The following ROBO1 variants were observed in gnomAD, a reference collection of about 807,000 sequenced individuals.
ROBO1 encodes the protein roundabout homolog 1.
A neutral mutation model predicts 195.9 loss-of-function variants in ROBO1; 149 were observed. The ratio of observed to expected loss-of-function variants is 0.76; its 90% CI spans 0.67 to 0.87. The LOEUF is 0.87. ROBO1 is among the 40% of genes least tolerant of loss of function. ROBO1 has a pLI of 0.00. For synonymous variants in ROBO1, 816 were observed against 733.2 expected (o/e 1.11, Z -1.82); for missense variants, 1,933 against 2,068.3 (o/e 0.93, Z 1.27).
At chr3:79,522,013 AATT>A (rs1303259557) in intron 2 of ROBO1, among the ~76,000 whole-genome samples, 7 of 152,198 alleles carry the variant, frequency 4.6e-5, no homozygotes, top group African/African-American at 1.7e-4. Flanking sequence ...ATGTTAAGAC[AATT>A]ATTATGACTG....
At chr3:79,460,461 G>T (rs1250973279) in intron 2 of ROBO1, among the ~76,000 whole-genome samples, 1 of 152,112 alleles carries the variant, frequency 6.6e-6, no homozygotes, top group Non-Finnish European at 1.5e-5. Context: ...TAAAGCAAGT[G>T]CTTATACAAA....
intron 3 of ROBO1, among the ~76,000 whole-genome samples, chr3:79,023,912 A>T: frequency 6.8e-6 from 1 of 147,976 alleles, no homozygotes; most frequent in South Asian, 2.1e-4. Context: ...GGGTTTCACT[A>T]TGTTGGTCAG....
intron 1 of ROBO1, among the ~76,000 whole-genome samples, chr3:79,606,187 T>A (rs1322060575): frequency 1.3e-5 from 2 of 151,914 alleles, no homozygotes; most frequent in African/African-American, 4.8e-5. Context: ...TGCGCTATTG[T>A]GTAAGTATAG....
At chr3:78,799,488 C>T (rs932291000) in intron 4 of ROBO1, among the ~76,000 whole-genome samples, 1 of 151,978 alleles carries the variant, frequency 6.6e-6, no homozygotes, top group Non-Finnish European at 1.5e-5. Context: ...ACTACAGGCG[C>T]CCACCACCAT....
chr3:79,329,918 G>T (rs1370708027), intron 2 of ROBO1, among the ~76,000 whole-genome samples: 4 of 151,910 alleles, frequency 2.6e-5, no homozygotes, highest in Non-Finnish European at 5.9e-5. Flanking sequence ...TCCCCTGTTG[G>T]ATTCAGATCA....
Position 79,688,123 on chromosome 3 carries a change from A to G in ROBO1, c.-51+79629T>C, listed in dbSNP as rs573639924. Among the ~76,000 whole-genome samples, 13 of 151,248 alleles carry G rather than the reference A, an allele frequency of 8.6e-5. No individual in the cohort carries two copies. The South Asian group carries it at 2.7e-3, about 32-fold the overall frequency. On this transcript the variant is annotated intron_variant, in intron 1 of 30. Transcript: ENST00000464233. ...TCTCAGCAAACTATCGCAAGGACTAAAAACCAAACACCGCATGTTCTCACT... is the reference window on the plus strand; with the variant it reads ...TCTCAGCAAACTATCGCAAGGACTAGAAACCAAACACCGCATGTTCTCACT...
At chr3:78,903,782 CTA>C (rs2037729854) in intron 4 of ROBO1, among the ~76,000 whole-genome samples, 1 of 151,990 alleles carries the variant, frequency 6.6e-6, no homozygotes, top group Admixed American at 6.6e-5. Context: ...CCATTCTTTT[CTA>C]TATGTTTGCA....
intron 4 of ROBO1, among the ~76,000 whole-genome samples, chr3:78,827,916 T>C (rs2031779515): frequency 6.6e-6 from 1 of 152,226 alleles, no homozygotes; most frequent in Admixed American, 6.5e-5. Flanking sequence ...TTGTAACATC[T>C]ACTTTGATGT....
At chr3:79,299,533 AC>A (rs138800599) in intron 2 of ROBO1, among the ~76,000 whole-genome samples, 5,166 of 152,310 alleles carry the variant, frequency 0.034, 118 homozygotes, top group Middle Eastern at 0.061. Flanking sequence ...ATAAATGTTA[AC>A]AATTAATACT....
intron 2 of ROBO1, among the ~76,000 whole-genome samples, chr3:79,243,606 G>A: frequency 6.6e-6 from 1 of 151,988 alleles, no homozygotes; most frequent in East Asian, 1.9e-4. Context: ...ATTTTTTCAT[G>A]TGTCTTTTGG....
At chr3:78,624,990 A>G (rs1219237822) in intron 26 of ROBO1, among the ~76,000 whole-genome samples, 2 of 152,184 alleles carry the variant, frequency 1.3e-5, no homozygotes, top group Admixed American at 6.5e-5. Context: ...ATTGGGGGGA[A>G]AGTAAATAAA....
At chr3:79,617,604 A>C (rs1944865403) in intron 1 of ROBO1, among the ~76,000 whole-genome samples, 1 of 152,162 alleles carries the variant, frequency 6.6e-6, no homozygotes, top group African/African-American at 2.4e-5. Context: ...AAGAAGAGAC[A>C]GCTCCTCCAG....
At chr3:79,753,192 C>A (rs1450363943) in intron 1 of ROBO1, among the ~76,000 whole-genome samples, 2 of 152,000 alleles carry the variant, frequency 1.3e-5, no homozygotes, top group Non-Finnish European at 2.9e-5. Context: ...GCTGCTTATT[C>A]AAACCACCTA....
At chr3:79,511,091 C>T (rs1250819444) in intron 2 of ROBO1, among the ~76,000 whole-genome samples, 5 of 152,086 alleles carry the variant, frequency 3.3e-5, no homozygotes, top group Non-Finnish European at 7.4e-5. Context: ...ATCAGCACAA[C>T]ACACAAGATT....
intron 2 of ROBO1, among the ~76,000 whole-genome samples, chr3:79,522,280 A>C (rs578109868): frequency 6.7e-6 from 1 of 150,268 alleles, no homozygotes; most frequent in Admixed American, 6.6e-5. Flanking sequence ...CCCTATTATT[A>C]TCTAAACAGA....
At chr3:79,411,124 T>C (rs2037747092) in intron 2 of ROBO1, among the ~76,000 whole-genome samples, 1 of 152,146 alleles carries the variant, frequency 6.6e-6, no homozygotes, top group African/African-American at 2.4e-5. Context: ...CTTCTAAAGT[T>C]CTACTTTTAA....
chr3:79,011,529 C>T (rs1479285962), intron 3 of ROBO1, among the ~76,000 whole-genome samples: 1 of 151,932 alleles, frequency 6.6e-6, no homozygotes, highest in Non-Finnish European at 1.5e-5. Context: ...TCCTACTCTA[C>T]CTGAAATTGC....
chr3:79,089,325 T>C (rs1161821449), intron 3 of ROBO1, among the ~76,000 whole-genome samples: 1 of 152,174 alleles, frequency 6.6e-6, no homozygotes, highest in Middle Eastern at 3.2e-3. Flanking sequence ...ACCTTGCTTT[T>C]ATTTTTCCTC....
chr3:78,632,557 C>T (rs1705247348), intron 24 of ROBO1, among the ~76,000 whole-genome samples: 1 of 152,174 alleles, frequency 6.6e-6, no homozygotes, highest in Admixed American at 6.5e-5. Context: ...TCCGGAGAGG[C>T]CTATCACAGA....
Sources: allele counts gnomAD v4.1 joint callset (sites outside exome capture counted in the v4.1 genomes callset), GRCh38; gene constraint gnomAD v4.1.1; transcripts MANE v1.5; gene names NCBI Gene and HGNC (gene_info 2026-07-23, HGNC 2026-07-21).